Variants in UBE2W observed in about 807,000 individuals in gnomAD.
The protein encoded by UBE2W is ubiquitin conjugating enzyme E2 W, also known as ubiquitin-conjugating enzyme E2 W.
A neutral mutation model predicts 27.2 loss-of-function variants in UBE2W; 18 were observed. The ratio of observed to expected loss-of-function variants is 0.66; its 90% CI spans 0.46 to 0.98. The LOEUF is 0.98. UBE2W is among the 50% of genes least tolerant of loss of function. The pLI, the probability that UBE2W is intolerant of heterozygous loss-of-function variation, is 0.00. For synonymous variants in UBE2W, 53 were observed against 57.2 expected, an observed-to-expected ratio of 0.93 and a Z score of 0.33; for missense variants, 90 against 180.2, an observed-to-expected ratio of 0.50 and a Z score of 2.87.
chr8:73,788,742 T>G lies in UBE2W; in HGVS notation c.*5360A>C. 2 of 985,388 alleles carry G rather than the reference T, an allele frequency of 2.0e-6. No homozygotes were observed. The highest frequency in any genetic ancestry group is 2.4e-6 in the Non-Finnish European group (2 of 829,910). 61.0% of individuals were successfully genotyped at this position (985,388 alleles called of 1,614,324 possible). ...CAACTTAGAATTGTTGTAGGACCAA[T>G]GAGAAAACAACTTAGAATCGTTGTA... On this transcript the variant is annotated 3_prime_UTR_variant, in exon 6 of 6. Transcript: ENST00000602593.
At chr8:73,861,770 T>G (rs1263080232) in intron 1 of UBE2W, among the ~76,000 whole-genome samples, 1 of 152,200 alleles carries the variant, frequency 6.6e-6, no homozygotes, top group East Asian at 1.9e-4. Flanking sequence ...CACATCTTAA[T>G]GTACTCAGTT....
In UBE2W at chr8:73,786,601, A is replaced by G; in HGVS notation, c.*7501T>C. 1 of 985,448 alleles carries G rather than the reference A, an allele frequency of 1.0e-6. No homozygotes were observed. Among genetic ancestry groups the G allele is most frequent in the Non-Finnish European group, 1.2e-6 (1 of 829,942 alleles). 61.0% of individuals were successfully genotyped at this position (985,448 alleles called of 1,614,324 possible). A position where few individuals can be genotyped will look rare whatever the true frequency, so the allele number is the denominator to read the frequency against. On this transcript the variant is annotated 3_prime_UTR_variant, in exon 6 of 6. Coordinates refer to ENST00000602593, the MANE Select transcript of UBE2W (RefSeq NM_018299.6). ...CTAGACCTTTCAGGTAGAAACGCAG[A>G]TCATGAACATTCTAGGAGGGAAGAA...
intron 1 of UBE2W, among the ~76,000 whole-genome samples, chr8:73,863,414 T>A (rs1811609391): frequency 6.9e-6 from 1 of 145,458 alleles, no homozygotes; most frequent in Non-Finnish European, 1.5e-5. Flanking sequence ...AGTATCACAC[T>A]CTGGGGACTG....
In UBE2W at chr8:73,791,267, G is replaced by GAAAAAAAAAAAAAAAAA. The variant is rs1267971469; in HGVS notation, c.*2834_*2835insTTTTTTTTTTTTTTTTT. ...TGGCATTAATCCCTACTTGACCAAA[G>GAAAAAAAAAAAAAAAAA]AAAAAAAAAAAAAAGAAGGGCATCA... On this transcript the variant is annotated 3_prime_UTR_variant, in exon 6 of 6. Coordinates refer to ENST00000602593, the MANE Select transcript of UBE2W (RefSeq NM_018299.6). The GAAAAAAAAAAAAAAAAA allele has an allele frequency of 2.2e-6, 1 of 446,446 alleles. No individual in the cohort carries two copies. Among genetic ancestry groups the GAAAAAAAAAAAAAAAAA allele is most frequent in the Admixed American group, 1.2e-4 (1 of 8,010 alleles). 27.7% of individuals were successfully genotyped at this position (446,446 alleles called of 1,614,324 possible). A position where few individuals can be genotyped will look rare whatever the true frequency, so the allele number is the denominator to read the frequency against.
At chr8:73,810,322 T>C (rs1809102317) in intron 4 of UBE2W, among the ~76,000 whole-genome samples, 152 bp downstream of exon 4, 1 of 152,190 alleles carries the variant, frequency 6.6e-6, no homozygotes, top group African/African-American at 2.4e-5. Flanking sequence ...TCAAAATAAC[T>C]TTCCAATTTA....
chr8:73,823,090 C>CT (rs1809692491), intron 3 of UBE2W, among the ~76,000 whole-genome samples: 1 of 151,994 alleles, frequency 6.6e-6, no homozygotes, highest in Non-Finnish European at 1.5e-5. Context: ...GAGTTAGCTG[C>CT]TTAAGGTGAC....
At chr8:73,781,526 T>G (rs1248712242), downstream of UBE2W, among the ~76,000 whole-genome samples, 5 of 151,900 alleles carry the variant, frequency 3.3e-5, no homozygotes, top group Admixed American at 6.6e-5. Context: ...CACCCTCAAC[T>G]CATTTGTCCA....
chr8:73,852,489 T>G (rs1811121980), intron 1 of UBE2W, among the ~76,000 whole-genome samples: 1 of 152,100 alleles, frequency 6.6e-6, no homozygotes, highest in African/African-American at 2.4e-5. Context: ...CATTGATCCC[T>G]GCATTTCATG....
chr8:73,871,526 G>A (rs1158361335), intron 1 of UBE2W, among the ~76,000 whole-genome samples: 1 of 152,146 alleles, frequency 6.6e-6, no homozygotes. Context: ...CTCTAATGAA[G>A]TTTTACAAAA....
chr8:73,878,350 C>A lies in UBE2W; in HGVS notation c.15+458G>T, dbSNP rs368916229. On this transcript the variant is annotated intron_variant, in intron 1 of 5. Transcript: ENST00000602593. The stretch of plus-strand genomic sequence containing the variant: ...CGCCGTCCGCAGCCAGCCGCCTTCT[C>A]CGGAGACGCATTCTCGGCTCCCGCA... 1.6e-4 allele frequency among the ~76,000 whole-genome samples: 25 copies of A among 152,352 alleles called. No homozygotes were observed. The South Asian group carries it at 5.2e-3, about 32-fold the overall frequency.
intron 1 of UBE2W, among the ~76,000 whole-genome samples, chr8:73,867,640 G>A (rs1811835620): frequency 6.6e-6 from 1 of 151,630 alleles, no homozygotes; most frequent in South Asian, 2.1e-4. Flanking sequence ...GAACCTGGGA[G>A]GTGAAGGTTT....
chr8:73,844,611 G>C (rs144588460), intron 1 of UBE2W, among the ~76,000 whole-genome samples: 1 of 149,300 alleles, frequency 6.7e-6, no homozygotes, highest in South Asian at 2.1e-4. Context: ...GCCGCCCATC[G>C]TCTGGGATGT....
intron 1 of UBE2W, among the ~76,000 whole-genome samples, chr8:73,844,919 C>A (rs1165240249): frequency 6.6e-6 from 1 of 151,898 alleles, no homozygotes; most frequent in African/African-American, 2.4e-5. Flanking sequence ...GGCAGCCGCC[C>A]GGTCTGGGAA....
rs1241018088 is a variant in UBE2W at position 73,790,442 on chromosome 8, A to T, written c.*3660T>A. On this transcript the variant is annotated 3_prime_UTR_variant, in exon 6 of 6. Coordinates refer to ENST00000602593, the MANE Select transcript of UBE2W (RefSeq NM_018299.6). ...GTATAGTAGCTGATTCTGATAATGA[A>T]TCCTCAGAAAAGAAGAATATGGTTA... 37 of 985,224 alleles carry T rather than the reference A, an allele frequency of 3.8e-5. No individual in the cohort carries two copies. Among genetic ancestry groups the T allele is most frequent in the Non-Finnish European group, 3.9e-5 (32 of 829,846 alleles). 61.0% of individuals were successfully genotyped at this position (985,224 alleles called of 1,614,324 possible). A position where few individuals can be genotyped will look rare whatever the true frequency, so the allele number is the denominator to read the frequency against.
chr8:73,825,258 G>A lies in UBE2W; in HGVS notation c.108-9C>T. On this transcript the variant is annotated splice_polypyrimidine_tract_variant and intron_variant, in intron 2 of 5. Transcript: ENST00000602593. ...CCATGTCTACAATCCACCTAGAATA[G>A]AAAAGGCAAATTAAAAACTTAAGAT... The A allele has an allele frequency of 6.5e-7, 1 of 1,535,910 alleles. No homozygotes were observed. The highest frequency in any genetic ancestry group is 1.2e-5 in the South Asian group (1 of 81,950).
At chr8:73,812,246 A>C (rs1399149766) in intron 3 of UBE2W, among the ~76,000 whole-genome samples, 2 of 151,572 alleles carry the variant, frequency 1.3e-5, no homozygotes, top group Non-Finnish European at 2.9e-5. Context: ...AAGCTAAAAA[A>C]CAAAAGTAAA....
intron 1 of UBE2W, chr8:73,834,140 T>C (rs1563603466): frequency 6.6e-6 from 1 of 152,238 alleles, no homozygotes; most frequent in Non-Finnish European, 1.5e-5. Flanking sequence ...TTCTGGACAA[T>C]GAAATATTAC....
chr8:73,787,142 TA>T lies in UBE2W; in HGVS notation c.*6959del. 1 of 985,418 alleles carries T rather than the reference TA, an allele frequency of 1.0e-6. No homozygotes were observed. Among genetic ancestry groups the T allele is most frequent in the Non-Finnish European group, 1.2e-6 (1 of 829,920 alleles). The allele number at this position is 985,418 out of a possible 1,614,324, so 61.0% of individuals were successfully genotyped here. A position where few individuals can be genotyped will look rare whatever the true frequency, so the allele number is the denominator to read the frequency against. On this transcript the variant is annotated 3_prime_UTR_variant, in exon 6 of 6. Transcript: ENST00000602593. ...TATTTTGCATTATGCAGGCAAACAT[TA>T]AAAATAAATCTTACAGGCAACTAAA...
intron 3 of UBE2W, among the ~76,000 whole-genome samples, chr8:73,815,678 T>TG (rs1298698589): frequency 1.3e-5 from 2 of 152,236 alleles, no homozygotes; most frequent in Non-Finnish European, 2.9e-5. Flanking sequence ...GCACAACTAC[T>TG]GTTCAGACTA....
Sources: allele counts gnomAD v4.1 joint callset (sites outside exome capture counted in the v4.1 genomes callset), GRCh38; gene constraint gnomAD v4.1.1; transcripts MANE v1.5; gene names NCBI Gene and HGNC (gene_info 2026-07-23, HGNC 2026-07-21).